Variants in AGTPBP1 observed in about 807,000 individuals in gnomAD.
AGTPBP1 encodes the protein ATP/GTP binding carboxypeptidase 1, also known as cytosolic carboxypeptidase 1.
Under a neutral mutation model 143.9 loss-of-function variants are expected in AGTPBP1, and 70 were observed. The observed-to-expected ratio is 0.49, with a 90% CI of 0.40 to 0.59. AGTPBP1 has a LOEUF of 0.59. Ranked by LOEUF, AGTPBP1 falls within the 20% of genes least tolerant of loss-of-function variation. The pLI is 0.00. For synonymous variants in AGTPBP1, 463 were observed against 500.2 expected (o/e 0.93, Z 0.99); for missense variants, 1,229 against 1,464.5 (o/e 0.84, Z 2.62).
the AGTPBP1 span, among the ~76,000 whole-genome samples, chr9:85,797,309 A>G: frequency 6.6e-6 from 1 of 151,982 alleles, no homozygotes; most frequent in Non-Finnish European, 1.5e-5. Flanking sequence ...AAGTCTCACA[A>G]TGTTGCCTGG....
upstream of AGTPBP1, among the ~76,000 whole-genome samples, chr9:85,743,141 C>G (rs1824481261): frequency 6.6e-6 from 1 of 152,162 alleles, no homozygotes; most frequent in Non-Finnish European, 1.5e-5. Context: ...ACCACCCAAT[C>G]AGAAACGTAT....
chr9:85,803,306 G>A, the AGTPBP1 span, among the ~76,000 whole-genome samples: 1 of 152,092 alleles, frequency 6.6e-6, no homozygotes, highest in Non-Finnish European at 1.5e-5. Flanking sequence ...TGTGGTTTTG[G>A]ATATTGTTGA....
At chr9:85,653,867 CA>C (rs1833323084) in intron 11 of AGTPBP1, among the ~76,000 whole-genome samples, 1 of 152,154 alleles carries the variant, frequency 6.6e-6, no homozygotes, top group African/African-American at 2.4e-5. Context: ...TCGGTAATTT[CA>C]AATGGAATGG....
the AGTPBP1 span, among the ~76,000 whole-genome samples, chr9:85,774,238 T>A: frequency 6.6e-6 from 1 of 152,180 alleles, no homozygotes; most frequent in Non-Finnish European, 1.5e-5. Context: ...TGGAATGCCA[T>A]CCCTTCTGCC....
chr9:85,638,760 A>G (rs994956172), intron 13 of AGTPBP1, among the ~76,000 whole-genome samples: 1 of 152,096 alleles, frequency 6.6e-6, no homozygotes, highest in Admixed American at 6.5e-5. Context: ...ACATGTATAT[A>G]CAATAAATAA....
chr9:85,713,837 T>C (rs1056439208), intron 1 of AGTPBP1, among the ~76,000 whole-genome samples: 3 of 152,220 alleles, frequency 2.0e-5, no homozygotes, highest in African/African-American at 7.2e-5. Context: ...AAATTTTAAA[T>C]TGTAATTTTT....
intron 2 of AGTPBP1, among the ~76,000 whole-genome samples, chr9:85,696,199 A>C (rs1004357522): frequency 2.6e-5 from 4 of 152,194 alleles, no homozygotes; most frequent in Admixed American, 6.5e-5. Context: ...ACTTCAAAGG[A>C]AACAACTAAT....
intron 18 of AGTPBP1, 74 bp from the exon 19 acceptor site, chr9:85,592,778 T>C (rs1455444383): frequency 6.5e-6 from 10 of 1,543,640 alleles, no homozygotes; most frequent in Non-Finnish European, 7.9e-6. Context: ...TTTTATTAAA[T>C]AGAACTTCAG....
At chr9:85,618,045 G>T (rs1362908655) in intron 17 of AGTPBP1, among the ~76,000 whole-genome samples, 2 of 152,090 alleles carry the variant, frequency 1.3e-5, no homozygotes, top group Admixed American at 6.6e-5. Context: ...TGCGAGACCA[G>T]CCTGGCCAAC....
chr9:85,596,329 C>G (rs1360222987), intron 18 of AGTPBP1, 33 bp downstream of exon 18: 2 of 1,448,954 alleles, frequency 1.4e-6, no homozygotes, highest in Non-Finnish European at 1.9e-6. Flanking sequence ...CTTCTGTAAG[C>G]TGACATTCTA....
At chr9:85,573,261 G>A (rs990455296) in intron 25 of AGTPBP1, among the ~76,000 whole-genome samples, 5 of 152,106 alleles carry the variant, frequency 3.3e-5, no homozygotes, top group African/African-American at 4.8e-5. Context: ...GCGCCACCAC[G>A]CCTGACTGGT....
the AGTPBP1 span, among the ~76,000 whole-genome samples, chr9:85,762,401 G>T: frequency 6.6e-6 from 1 of 152,152 alleles, no homozygotes; most frequent in Non-Finnish European, 1.5e-5. Flanking sequence ...ACTGGATTAA[G>T]AAAATGTGGT....
At chr9:85,733,301 TTAAG>T (rs1839011517) in intron 1 of AGTPBP1, among the ~76,000 whole-genome samples, 1 of 152,146 alleles carries the variant, frequency 6.6e-6, no homozygotes, top group Admixed American at 6.5e-5. Flanking sequence ...CACAACAGGA[TTAAG>T]TTAGAAATCA....
chr9:85,611,155 C>CTTT (rs56023115), intron 17 of AGTPBP1, among the ~76,000 whole-genome samples: 1 of 112,756 alleles, frequency 8.9e-6, no homozygotes, highest in Non-Finnish European at 1.8e-5. Context: ...AGGGGCTTTT[C>CTTT]TTTTTTTTTT....
chr9:85,767,060 G>A, the AGTPBP1 span, among the ~76,000 whole-genome samples: 1 of 144,856 alleles, frequency 6.9e-6, no homozygotes, highest in East Asian at 2.0e-4. Flanking sequence ...AAGAATACCT[G>A]AACTTTAGAT....
intron 3 of AGTPBP1, among the ~76,000 whole-genome samples, chr9:85,685,983 G>C (rs1835463580): frequency 6.6e-6 from 1 of 151,540 alleles, no homozygotes; most frequent in South Asian, 2.1e-4. Flanking sequence ...AAAGCCAATA[G>C]GTAAATTAAA....
At chr9:85,706,820 G>A (rs558322530) in intron 2 of AGTPBP1, among the ~76,000 whole-genome samples, 1 of 152,092 alleles carries the variant, frequency 6.6e-6, no homozygotes, top group Non-Finnish European at 1.5e-5. Flanking sequence ...AGCTTGCAGT[G>A]AGCCGACATC....
chr9:85,678,232 A>G (rs908368907), intron 5 of AGTPBP1, 103 bp downstream of exon 5: 2 of 691,698 alleles, frequency 2.9e-6, no homozygotes, highest in East Asian at 5.9e-5. Flanking sequence ...AATACTCAGA[A>G]TAGCCTCTAT....
At chr9:85,679,494 GC>G (rs1564136974) in intron 4 of AGTPBP1, among the ~76,000 whole-genome samples, 1 of 151,826 alleles carries the variant, frequency 6.6e-6, no homozygotes, top group Non-Finnish European at 1.5e-5. Context: ...TGCAAGCTCC[GC>G]CTCCCGGGTT....
Sources: gnomAD v4.1 joint callset for allele counts (sites outside exome capture counted in the v4.1 genomes callset) on GRCh38, gnomAD v4.1.1 for gene constraint, MANE v1.5 for transcripts, NCBI Gene and HGNC (gene_info 2026-07-23, HGNC 2026-07-21) for gene names.